Variants in PLBD2 observed in about 807,000 individuals in gnomAD.
PLBD2 encodes the protein phospholipase B domain containing 2, also known as putative aminopeptidase PLBD2.
Under a neutral mutation model 68.3 loss-of-function variants are expected in PLBD2, and 51 were observed. That is an observed-to-expected ratio of 0.75 (90% CI 0.60 to 0.94). The LOEUF is 0.94. Ranked by LOEUF, PLBD2 falls within the 40% of genes least tolerant of loss-of-function variation. PLBD2 has a pLI of 0.00. For missense variants in PLBD2, 729 were observed against 792.2 expected (o/e 0.92, Z 0.96); for synonymous variants, 314 against 339.3 (o/e 0.93, Z 0.82).
intron 11 of PLBD2, 64 bp from the exon 12 acceptor site, chr12:113,388,395 G>C (rs529107925): frequency 6.9e-6 from 10 of 1,440,386 alleles, no homozygotes; most frequent in East Asian, 2.6e-5. Flanking sequence ...AGGGTGGGAG[G>C]CTGGGTGCCT....
At chr12:113,386,170 TTTG>T (rs369696525) in intron 9 of PLBD2, among the ~76,000 whole-genome samples, 2,874 of 151,826 alleles carry the variant, frequency 0.019, 98 homozygotes, top group African/African-American at 0.064. Context: ...CATAGTTGGT[TTTG>T]TTGTTGTTGT....
intron 5 of PLBD2, among the ~76,000 whole-genome samples, chr12:113,375,927 C>A (rs1350772016): frequency 3.3e-5 from 5 of 152,154 alleles, no homozygotes; most frequent in Non-Finnish European, 7.4e-5. Context: ...GATCTCAGCT[C>A]ACTGCAACCT....
chr12:113,388,499 C>A lies in PLBD2; in HGVS notation c.1643C>A (p.Ala548Glu), dbSNP rs145714005. The A allele has an allele frequency of 2.5e-6, 4 of 1,605,184 alleles. No individual in the cohort carries two copies. The highest frequency in any genetic ancestry group is 2.5e-6 in the Non-Finnish European group (3 of 1,178,004). The stretch of plus-strand genomic sequence containing the variant: ...CTGGCCAGGATCCTGAGCCTGCTGG[C>A]GGCCAGCGGTCCCACGTGGGACCAG... ...MSLARILSLL[A>E]ASGPTWDQVP... is the part of the protein sequence containing the mutation. The change falls in exon 12 of 12, where the codon GCG becomes GAG. Residue 548 changes from alanine to glutamate, a missense_variant. Transcript: ENST00000280800.
chr12:113,363,537 C>CTTTTT (rs1224575042), intron 1 of PLBD2, among the ~76,000 whole-genome samples: 4 of 133,506 alleles, frequency 3.0e-5, no homozygotes, highest in Non-Finnish European at 6.5e-5. Flanking sequence ...ACATTTTTAG[C>CTTTTT]TTTTTTTTTT....
At chr12:113,381,893 C>G (rs1010061191) in intron 6 of PLBD2, among the ~76,000 whole-genome samples, 1 of 152,126 alleles carries the variant, frequency 6.6e-6, no homozygotes, top group Non-Finnish European at 1.5e-5. Flanking sequence ...GTGATCGTGG[C>G]TCACTGCAAC....
At chr12:113,383,355 C>T (rs940098292) in intron 6 of PLBD2, among the ~76,000 whole-genome samples, 1 of 152,194 alleles carries the variant, frequency 6.6e-6, no homozygotes, top group Non-Finnish European at 1.5e-5. Flanking sequence ...GGGCTGTTCA[C>T]CAGGGCAAAG....
At position 113,388,887 on chromosome 12, in the gene PLBD2, C is replaced by A; in HGVS notation, c.*261C>A. On this transcript the variant is annotated 3_prime_UTR_variant, in exon 12 of 12. Transcript: ENST00000280800. ...CCCACTCTCTGTTTCTGTCTGTTTC[C>A]TACTGCTGCTCTCTCAACCTCATTC... 2.7e-6 allele frequency: 1 copy of A among 367,790 alleles called. No homozygotes were observed. Among genetic ancestry groups the A allele is most frequent in the Non-Finnish European group, 4.8e-6 (1 of 206,318 alleles). The allele number at this position is 367,790 out of a possible 1,614,324, so 22.8% of individuals were successfully genotyped here.
rs746467053 is a variant in PLBD2 at position 113,360,903 on chromosome 12, A to G, written c.290+2013A>G. 5.9e-5 allele frequency among the ~76,000 whole-genome samples: 9 copies of G among 152,226 alleles called. No individual in the cohort carries two copies. The South Asian group carries it at 1.0e-3, about 18-fold the overall frequency. ...ACTCCTGACTTCAGGTGATCTGCCC[A>G]TCTTGGACTTTCTGGCTTGTTTTCG... is the stretch of plus-strand genomic sequence containing the variant. On this transcript the variant is annotated intron_variant, in intron 1 of 11. Coordinates refer to ENST00000280800, the MANE Select transcript of PLBD2 (RefSeq NM_173542.4).
intron 1 of PLBD2, 22 bp from the exon 2 acceptor site, chr12:113,369,094 G>A (rs1209919146): frequency 6.4e-6 from 10 of 1,556,094 alleles, no homozygotes; most frequent in East Asian, 4.7e-5. Context: ...TGCTGACTGA[G>A]TGTCCCCTCC....
At chr12:113,362,817 C>T (rs1471432517) in intron 1 of PLBD2, among the ~76,000 whole-genome samples, 3 of 150,802 alleles carry the variant, frequency 2.0e-5, no homozygotes, top group Non-Finnish European at 4.4e-5. Context: ...ATAGAGTCTG[C>T]TCTGTTACCC....
At chr12:113,376,628 A>G (rs1015519604) in intron 5 of PLBD2, among the ~76,000 whole-genome samples, 1 of 152,176 alleles carries the variant, frequency 6.6e-6, no homozygotes, top group Non-Finnish European at 1.5e-5. Flanking sequence ...AACCAATTGC[A>G]AGGATTGCAT....
Position 113,384,818 on chromosome 12 carries a change from C to A in PLBD2, c.1119-33C>A. On this transcript the variant is annotated intron_variant, in intron 7 of 11. Transcript: ENST00000280800. This position sits in a 1 kb window ranked among gnomAD's most constrained non-coding sequence, Gnocchi z 4.2. ...GGAAAGCTGGGGAGGTGGCTCCAGGCTCTGTTCAGTCCTCCCTTCCCCTGC... is the reference window on the plus strand; with the variant it reads ...GGAAAGCTGGGGAGGTGGCTCCAGGATCTGTTCAGTCCTCCCTTCCCCTGC... 6.3e-7 allele frequency: 1 copy of A among 1,583,532 alleles called. No individual in the cohort carries two copies. The highest frequency in any genetic ancestry group is 8.7e-7 in the Non-Finnish European group (1 of 1,153,050).
rs763788800 is a variant in PLBD2 at position 113,384,895 on chromosome 12, C to T, written c.1163C>T (p.Pro388Leu). The T allele has an allele frequency of 8.6e-6, 12 of 1,393,626 alleles. No homozygotes were observed. The highest frequency in any genetic ancestry group is 4.5e-5 in the African/African-American group (3 of 67,214). 86.3% of individuals were successfully genotyped at this position (1,393,626 alleles called of 1,614,324 possible). Residue 388 changes from proline (P) to leucine (L), a missense_variant, in exon 8 of 12, where the codon CCG becomes CTG. Transcript: ENST00000280800. This position sits in a 1 kb window ranked among gnomAD's most constrained non-coding sequence, Gnocchi z 4.2. The part of the protein sequence containing the change: ...WMIVDYKAFI[P>L]GGPSPGSRVL... The stretch of plus-strand genomic sequence containing the variant: ...ATCGTGGACTACAAGGCGTTCATCC[C>T]GGGTGGGCCCAGCCCCGGGAGCCGG...
In PLBD2 at chr12:113,372,727, C is replaced by T; in HGVS notation, c.463C>T (p.Leu155=). 6.2e-7 allele frequency: 1 copy of T among 1,614,158 alleles called. No homozygotes were observed. The highest frequency in any genetic ancestry group is 1.7e-5 in the Admixed American group (1 of 60,020). Reference sequence around the variant, plus strand: ...GTATGAAGTCGGCTACTGCGAGAGGCTGAAGAGCTTCCTGGAGGCCAACCT... The same window carrying T: ...GTATGAAGTCGGCTACTGCGAGAGGTTGAAGAGCTTCCTGGAGGCCAACCT... The part of the protein sequence containing the change: ...FEYEVGYCER[L]KSFLEANLEW... Residue 155 remains leucine, a synonymous_variant, in exon 3 of 12, where the codon CTG becomes TTG. Transcript: ENST00000280800. This position sits in a 1 kb window ranked among gnomAD's most constrained non-coding sequence, Gnocchi z 4.2.
Position 113,384,566 on chromosome 12 carries a change from G to A in PLBD2, c.1119-285G>A, listed in dbSNP as rs1957530610. On this transcript the variant is annotated intron_variant, in intron 7 of 11. Transcript: ENST00000280800. This position sits in a 1 kb window ranked among gnomAD's most constrained non-coding sequence, Gnocchi z 4.2. ...GGAGGTGGACGTGGGTGGGTGGCAG[G>A]GCCTGTGAGCCAGAGACACTGGAAC... 6.6e-6 allele frequency among the ~76,000 whole-genome samples: 1 copy of A among 152,126 alleles called. No homozygotes were observed. Among genetic ancestry groups the A allele is most frequent in the African/African-American group, 2.4e-5 (1 of 41,438 alleles).
chr12:113,360,156 A>G (rs1957278064), intron 1 of PLBD2, among the ~76,000 whole-genome samples: 1 of 151,924 alleles, frequency 6.6e-6, no homozygotes. Flanking sequence ...GATTTGGGGG[A>G]GATATTTGCA....
chr12:113,387,773 C>T lies in PLBD2; in HGVS notation c.1469C>T (p.Ser490Leu). Residue 490 changes from serine to leucine, a missense_variant, in exon 11 of 12, where the codon TCA becomes TTA. By Grantham distance (145) the Ser-to-Leu change is moderately radical. Transcript: ENST00000280800. ...AATGACTTCCTCCATGACCCTCTGT[C>T]ACTGTGCAAAGCCTGCAACCCCCAG... is the stretch of plus-strand genomic sequence containing the variant. The part of the protein sequence containing the change: ...RYNDFLHDPL[S>L]LCKACNPQPN... 6.2e-7 allele frequency: 1 copy of T among 1,614,170 alleles called. No individual in the cohort carries two copies. Among genetic ancestry groups the T allele is most frequent in the Non-Finnish European group, 8.5e-7 (1 of 1,180,006 alleles).
chr12:113,384,383 C>T lies in PLBD2; in HGVS notation c.1118+118C>T. The T allele has an allele frequency of 7.7e-7, 1 of 1,295,652 alleles. No individual in the cohort carries two copies. The highest frequency in any genetic ancestry group is 1.0e-6 in the Non-Finnish European group (1 of 955,504). The allele number at this position is 1,295,652 out of a possible 1,614,324, so 80.3% of individuals were successfully genotyped here. On this transcript the variant is annotated intron_variant, in intron 7 of 11. Coordinates refer to ENST00000280800, the MANE Select transcript of PLBD2 (RefSeq NM_173542.4). This position sits in a 1 kb window ranked among gnomAD's most constrained non-coding sequence, Gnocchi z 4.2. The stretch of plus-strand genomic sequence containing the variant: ...ATCCGGGCCACACACCCCACGCCCT[C>T]CTTTGTTTCATACATGGGGAGACTG...
chr12:113,375,855 T>G (rs778444252), intron 5 of PLBD2, among the ~76,000 whole-genome samples: 4 of 152,140 alleles, frequency 2.6e-5, no homozygotes, highest in Non-Finnish European at 4.4e-5. Flanking sequence ...GACACAGCAT[T>G]CTTTTCTTTT....
Sources: allele counts gnomAD v4.1 joint callset (sites outside exome capture counted in the v4.1 genomes callset), GRCh38; gene constraint gnomAD v4.1.1; non-coding constraint Gnocchi (gnomAD v3.1); transcripts MANE v1.5; gene names NCBI Gene and HGNC (gene_info 2026-07-23, HGNC 2026-07-21).